RASGRF1: variants seen among roughly 807,000 people sequenced by gnomAD.
RASGRF1 encodes the protein Ras protein specific guanine nucleotide releasing factor 1.
RASGRF1 carries 40 observed loss-of-function variants against 138.7 expected under a neutral mutation model. The ratio of observed to expected loss-of-function variants is 0.29; its 90% CI spans 0.22 to 0.38. The LOEUF (loss-of-function observed/expected upper bound fraction) is 0.38. Among genes scored for constraint, RASGRF1 ranks in the 10% least tolerant of loss-of-function variants. RASGRF1 has a pLI of 1.00. For synonymous variants in RASGRF1, 614 were observed against 663.2 expected (o/e 0.93, Z 1.14); for missense variants, 1,108 against 1,650.4 (o/e 0.67, Z 5.69).
intron 11 of RASGRF1, 92 bp from the exon 12 acceptor site, chr15:79,017,998 G>A (rs1567526718): frequency 6.7e-7 from 1 of 1,490,848 alleles, no homozygotes; most frequent in East Asian, 2.4e-5. Flanking sequence ...ACGTACCAGT[G>A]GAGGCTCTGC....
intron 23 of RASGRF1, 88 bp from the exon 24 acceptor site, chr15:78,980,787 C>A: frequency 1.0e-6 from 1 of 967,694 alleles, no homozygotes; most frequent in Admixed American, 2.3e-5. Flanking sequence ...CAACATGCTG[C>A]CCAACAGGGC....
intron 17 of RASGRF1, 26 bp downstream of exon 17, chr15:78,999,717 C>T (rs376306169): frequency 6.2e-7 from 1 of 1,607,822 alleles, no homozygotes; most frequent in Non-Finnish European, 8.5e-7. Context: ...GGGGAGGACC[C>T]TGTGAGTGGA....
chr15:79,001,327 T>C (rs1009397), intron 16 of RASGRF1, among the ~76,000 whole-genome samples: 11,247 of 149,328 alleles, frequency 0.075, 1,374 homozygotes, highest in African/African-American at 0.26. Context: ...ACCTTCTGAA[T>C]CAGGATCTTC....
intron 14 of RASGRF1, among the ~76,000 whole-genome samples, chr15:79,004,492 C>T (rs1473575566): frequency 2.6e-5 from 4 of 152,072 alleles, no homozygotes; most frequent in Admixed American, 6.5e-5. Flanking sequence ...TGTGCAAAAC[C>T]CCCCTCCATC....
intron 5 of RASGRF1, 77 bp from the exon 6 acceptor site, chr15:79,035,287 T>A: frequency 8.2e-7 from 1 of 1,214,876 alleles, no homozygotes; most frequent in Non-Finnish European, 1.2e-6. Context: ...CCAAACCTCC[T>A]GCGTGACTTC....
rs373532030 is a variant in RASGRF1, at chr15:78,998,146, G to A, written c.2916C>T (p.His972=). The A allele has an allele frequency of 5.4e-5, 87 of 1,614,062 alleles. No individual in the cohort carries two copies. The highest frequency in any genetic ancestry group is 3.3e-4 in the Middle Eastern group (2 of 6,084). The change falls in exon 19 of 27, where the codon CAC becomes CAT. Residue 972 remains histidine, a synonymous_variant. Coordinates refer to ENST00000558480, the MANE Select transcript of RASGRF1 (RefSeq NM_001145648.3). ...GCTCCTGGGTCAGGAGCTCCGGGTC[G>A]TGCATGACTTCTTCCAGGAAGCCGA... ...KVIGFLEEVM[H]DPELLTQERK...
chr15:79,030,889 TG>T (rs2057126545), intron 8 of RASGRF1, among the ~76,000 whole-genome samples: 1 of 152,214 alleles, frequency 6.6e-6, no homozygotes, highest in Non-Finnish European at 1.5e-5. Context: ...AGCTTCCCTC[TG>T]GGCTTCAGGG....
Position 79,058,384 on chromosome 15 carries a change from G to A in RASGRF1, c.481C>T (p.Arg161Trp), listed in dbSNP as rs753280280. Residue 161 changes from arginine (R) to tryptophan (W), a missense_variant, in exon 3 of 27, where the codon CGG (arginine) becomes TGG (tryptophan). By Grantham distance (101) the Arg-to-Trp change is moderately radical. Around this residue, in one of 3 missense-constraint regions of RASGRF1, gnomAD observed 253 missense variants for 329.5 expected, o/e 0.77. Coordinates refer to ENST00000558480, the MANE Select transcript of RASGRF1 (RefSeq NM_001145648.3). ...ATCTCCCCATCCTCGATCTGCTGCC[G>A]AAGCTGCTTGGCCACGGTCTTCTCT... ...ETEKTVAKQL[R>W]QQIEDGEIEI... is the part of the protein sequence containing the mutation. The A allele has an allele frequency of 6.2e-6, 10 of 1,614,116 alleles. No homozygotes were observed. The highest frequency in any genetic ancestry group is 2.2e-5 in the South Asian group (2 of 91,084).
At position 78,979,865 on chromosome 15, in the gene RASGRF1, C is replaced by A. The variant is rs147126536; in HGVS notation, c.3494+755G>T. On this transcript the variant is annotated intron_variant, in intron 24 of 26. Coordinates refer to ENST00000558480, the MANE Select transcript of RASGRF1 (RefSeq NM_001145648.3). ...AACAGGATGCGGGAAGCAGCCTTAT[C>A]CTGATGGTTGTCAAGTGGGGAGGAT... 2.5e-3 allele frequency among the ~76,000 whole-genome samples: 388 copies of A among 152,368 alleles called. 2 individuals carry two copies. Among genetic ancestry groups the A allele is most frequent in the African/African-American group, 9.1e-3 (378 of 41,578 alleles).
In RASGRF1 at chr15:79,090,397, C is replaced by T. The variant is rs752112288; in HGVS notation, c.102G>A (p.Ser34=). Residue 34 remains serine, a synonymous_variant, in exon 1 of 27, where the codon TCG becomes TCA. Transcript: ENST00000558480. ...ACTTGGTTTGCCATTTTGTGTTGTC[C>T]GAACTCCGCTTGCTCAGGTAGCCTT... ...TRKGYLSKRS[S]DNTKWQTKWF... 11 of 1,613,582 alleles carry T rather than the reference C, an allele frequency of 6.8e-6. No individual in the cohort carries two copies. The Admixed American group carries it at 1.7e-4, about 24-fold the overall frequency.
At chr15:79,051,425 T>A (rs1261405192) in intron 3 of RASGRF1, among the ~76,000 whole-genome samples, 1 of 151,450 alleles carries the variant, frequency 6.6e-6, no homozygotes. Context: ...TGACTGATTC[T>A]TTGATCTGGA....
rs1373700905 is a variant in RASGRF1, at chr15:79,064,466, C to T, written c.337G>A (p.Asp113Asn). The change falls in exon 2 of 27, where the codon GAC becomes AAC. Residue 113 changes from aspartate (D) to asparagine (N), a missense_variant. Physicochemically the swap from Asp to Asn is conservative, Grantham distance 23. Coordinates refer to ENST00000558480, the MANE Select transcript of RASGRF1 (RefSeq NM_001145648.3). ...NQKALELRTE[D>N]AKDCDEWVAA... ...ACCCATTCGTCACAATCTTTTGCGT[C>T]CTCTGTCCTCAGCTCCAAGGCTTTC... The T allele has an allele frequency of 4.3e-6, 7 of 1,614,070 alleles. No individual in the cohort carries two copies. In the Admixed American group the frequency reaches 5.0e-5, roughly 12 times the overall value.
intron 13 of RASGRF1, among the ~76,000 whole-genome samples, chr15:79,013,885 G>T (rs1187350509): frequency 6.6e-6 from 1 of 152,140 alleles, no homozygotes; most frequent in Non-Finnish European, 1.5e-5. Context: ...CTGCGTTTTG[G>T]TTTTTCTGGT....
At chr15:79,009,579 C>T (rs1242467967) in intron 13 of RASGRF1, among the ~76,000 whole-genome samples, 1 of 152,200 alleles carries the variant, frequency 6.6e-6, no homozygotes, top group East Asian at 1.9e-4. Context: ...CTAGCACCTT[C>T]TCTGTGGGCT....
chr15:78,980,730 A>C, intron 23 of RASGRF1, 31 bp from the exon 24 acceptor site: 1 of 1,518,470 alleles, frequency 6.6e-7, no homozygotes, highest in Non-Finnish European at 9.1e-7. Flanking sequence ...TTACTAACAC[A>C]CAGCACACGC....
intron 1 of RASGRF1, among the ~76,000 whole-genome samples, chr15:79,066,723 C>A (rs935703931): frequency 2.6e-5 from 4 of 152,194 alleles, no homozygotes; most frequent in African/African-American, 9.7e-5. Context: ...TACAGCCTCA[C>A]CCCTGCTGGA....
intron 19 of RASGRF1, among the ~76,000 whole-genome samples, chr15:78,996,733 T>C (rs2056401714): frequency 8.6e-6 from 1 of 116,588 alleles, no homozygotes; most frequent in Non-Finnish European, 2.1e-5. Flanking sequence ...TGTGTGTGTG[T>C]GTGCGTGTGT....
intron 13 of RASGRF1, among the ~76,000 whole-genome samples, chr15:79,012,688 C>G (rs145383732): frequency 6.6e-6 from 1 of 152,220 alleles, no homozygotes; most frequent in East Asian, 1.9e-4. Flanking sequence ...CATCCGCACT[C>G]TCTCTTTTTT....
At chr15:79,009,071 T>G (rs1191443083) in intron 13 of RASGRF1, among the ~76,000 whole-genome samples, 2 of 152,154 alleles carry the variant, frequency 1.3e-5, no homozygotes, top group Non-Finnish European at 2.9e-5. Flanking sequence ...TCTGCTTCAG[T>G]GTCACTTCTC....
Sources: gnomAD v4.1 joint callset for allele counts (sites outside exome capture counted in the v4.1 genomes callset) on GRCh38, gnomAD v4.1.1 for gene constraint, gnomAD v4.1.1 regional missense constraint, MANE v1.5 for transcripts, NCBI Gene and HGNC (gene_info 2026-07-23, HGNC 2026-07-21) for gene names.